DCAF8: variants seen among roughly 807,000 people sequenced by gnomAD.
DCAF8 encodes the protein DDB1- and CUL4-associated factor 8.
A neutral mutation model predicts 68.0 loss-of-function variants in DCAF8; 20 were observed. The ratio of observed to expected loss-of-function variants is 0.29; its 90% CI spans 0.21 to 0.43. The LOEUF is 0.43. Among genes scored for constraint, DCAF8 ranks in the 20% least tolerant of loss-of-function variants. The pLI is 1.00. For missense variants in DCAF8, 460 were observed against 771.0 expected, an observed-to-expected ratio of 0.60 and a Z score of 4.78; for synonymous variants, 230 against 276.9, an observed-to-expected ratio of 0.83 and a Z score of 1.68.
intron 6 of DCAF8, among the ~76,000 whole-genome samples, chr1:160,233,877 A>G (rs1655779609): frequency 6.6e-6 from 1 of 152,220 alleles, no homozygotes; most frequent in South Asian, 2.1e-4. Flanking sequence ...AAAAATGATT[A>G]TCATGGCAAT....
At chr1:160,228,135 C>T (rs1002460491) in intron 7 of DCAF8, among the ~76,000 whole-genome samples, 1 of 151,290 alleles carries the variant, frequency 6.6e-6, no homozygotes, top group Non-Finnish European at 1.5e-5. Flanking sequence ...CTATATTGCC[C>T]AAGTTGGCCT....
At chr1:160,255,914 A>C (rs1258603157) in intron 2 of DCAF8, among the ~76,000 whole-genome samples, 4 of 151,548 alleles carry the variant, frequency 2.6e-5, no homozygotes. Context: ...GCCACCGTGC[A>C]TGGCCTCTGG....
chr1:160,260,037 G>C (rs1184868594), intron 2 of DCAF8, among the ~76,000 whole-genome samples: 3 of 150,616 alleles, frequency 2.0e-5, no homozygotes, highest in Non-Finnish European at 4.4e-5. Flanking sequence ...AAATGTAAAA[G>C]AAGCATAAAT....
In DCAF8 at chr1:160,216,324, G is replaced by C. The variant is rs1410576022; in HGVS notation, c.*1268C>G. ...GTGTGTATGTATGTGTGTGGTGTGT[G>C]TGTACATGTCTTCTGTCACAAAGTA... On this transcript the variant is annotated 3_prime_UTR_variant, in exon 14 of 14. Transcript: ENST00000368074. 1 of 152,172 alleles carries C rather than the reference G, an allele frequency of 6.6e-6. No individual in the cohort carries two copies. The highest frequency in any genetic ancestry group is 1.5e-5 in the Non-Finnish European group (1 of 68,052). 9.4% of individuals were successfully genotyped at this position (152,172 alleles called of 1,614,324 possible).
chr1:160,256,440 G>A (rs1415999046), intron 2 of DCAF8, among the ~76,000 whole-genome samples: 1 of 152,004 alleles, frequency 6.6e-6, no homozygotes, highest in Non-Finnish European at 1.5e-5. Flanking sequence ...GTCTAATGTT[G>A]GATTCTAAGT....
At chr1:160,231,010 TC>T (rs1404175174) in intron 7 of DCAF8, among the ~76,000 whole-genome samples, 1 of 151,884 alleles carries the variant, frequency 6.6e-6, no homozygotes, top group Non-Finnish European at 1.5e-5. Context: ...CCGCCTCACC[TC>T]CCAAAGTGTC....
intron 6 of DCAF8, among the ~76,000 whole-genome samples, chr1:160,235,083 C>A (rs1256779363): frequency 6.6e-6 from 1 of 152,030 alleles, no homozygotes; most frequent in Non-Finnish European, 1.5e-5. Flanking sequence ...CTATGTAAAT[C>A]ATTGCCATCC....
rs758804943 is a variant in DCAF8 at position 160,222,693 on chromosome 1, G to A, written c.1398C>T (p.Ser466=). The A allele has an allele frequency of 2.3e-5, 37 of 1,614,030 alleles. No individual in the cohort carries two copies. Among genetic ancestry groups the A allele is most frequent in the Non-Finnish European group, 3.1e-5 (37 of 1,180,036 alleles). The part of the protein sequence containing the change: ...CGHIFLWEKS[S]CQIIQFMEGD... ...CCTCCATGAACTGAATAATCTGGCA[G>A]GATGATTTCTCCCAGAGGAAGATGT... is the stretch of plus-strand genomic sequence containing the variant. Residue 466 remains serine, a synonymous_variant, in exon 11 of 14, where the codon TCC becomes TCT. Transcript: ENST00000368074.
intron 2 of DCAF8, among the ~76,000 whole-genome samples, chr1:160,254,923 A>C (rs1247717513): frequency 7.2e-5 from 11 of 152,238 alleles, no homozygotes; most frequent in Non-Finnish European, 1.3e-4. Flanking sequence ...TTCTTTTGTA[A>C]AATGGGATAA....
At chr1:160,239,573 A>G in intron 4 of DCAF8, 124 bp downstream of exon 4, 1 of 1,596,476 alleles carries the variant, frequency 6.3e-7, no homozygotes, top group Non-Finnish European at 8.5e-7. Context: ...GAGCCAAAGT[A>G]GGGCCATGTC....
chr1:160,231,544 TTC>T (rs1655686045), intron 6 of DCAF8, 137 bp from the exon 7 acceptor site: 1 of 660,354 alleles, frequency 1.5e-6, no homozygotes, highest in South Asian at 2.0e-5. Context: ...TTGTTGTGTT[TTC>T]TCTGTTTGTT....
chr1:160,238,367 G>A (rs1300098123), intron 5 of DCAF8, among the ~76,000 whole-genome samples: 2 of 152,164 alleles, frequency 1.3e-5, no homozygotes, highest in African/African-American at 4.8e-5. Context: ...AACCAACTAG[G>A]GCTTAGCTTA....
chr1:160,222,894 T>G (rs1655344455), intron 10 of DCAF8, 113 bp from the exon 11 acceptor site: 2 of 1,421,250 alleles, frequency 1.4e-6, no homozygotes, highest in East Asian at 2.3e-5. Context: ...AGATTATGCA[T>G]GTTTAACAGA....
intron 2 of DCAF8, among the ~76,000 whole-genome samples, chr1:160,252,710 G>C (rs1461300848): frequency 6.6e-6 from 1 of 152,068 alleles, no homozygotes; most frequent in Non-Finnish European, 1.5e-5. Flanking sequence ...GGCTGTCTTG[G>C]GTTGATGGCA....
Position 160,217,645 on chromosome 1 carries a change from C to G in DCAF8, c.1741G>C (p.Asp581His). Residue 581 changes from aspartate to histidine, a missense_variant, in exon 14 of 14, where the codon GAC becomes CAC. Around this residue, in one of 8 missense-constraint regions of DCAF8, gnomAD observed 80 missense variants for 115.1 expected, o/e 0.70. Coordinates refer to ENST00000368074, the MANE Select transcript of DCAF8 (RefSeq NM_015726.4). ...ADSDESPSSSDTSDEEEGPDR... is the reference protein window; with the variant it reads ...ADSDESPSSSHTSDEEEGPDR... Reference sequence around the variant, plus strand: ...GGGCCCTCCTCCTCGTCCGATGTGTCTGAGGAGCTGGGAGACTCATCAGAG... The same window carrying G: ...GGGCCCTCCTCCTCGTCCGATGTGTGTGAGGAGCTGGGAGACTCATCAGAG... The G allele has an allele frequency of 6.2e-7, 1 of 1,614,174 alleles. No homozygotes were observed. The highest frequency in any genetic ancestry group is 8.5e-7 in the Non-Finnish European group (1 of 1,180,034).
intron 6 of DCAF8, among the ~76,000 whole-genome samples, chr1:160,232,423 A>AT (rs1434609758): frequency 1.3e-5 from 2 of 152,046 alleles, no homozygotes; most frequent in Non-Finnish European, 2.9e-5. Context: ...TGGGTGGATC[A>AT]TGAGGTCAGG....
intron 2 of DCAF8, among the ~76,000 whole-genome samples, chr1:160,245,957 G>A (rs967010526): frequency 2.5e-4 from 38 of 152,218 alleles, no homozygotes; most frequent in African/African-American, 9.2e-4. Context: ...TGAGCAACAT[G>A]GAGAAACCCT....
At chr1:160,218,823 A>G (rs1381605096) in intron 12 of DCAF8, 26 bp downstream of exon 12, 1 of 1,613,460 alleles carries the variant, frequency 6.2e-7, no homozygotes, top group African/African-American at 1.3e-5. Flanking sequence ...GCAGAAAGAA[A>G]ATAACTTCTG....
chr1:160,229,948 G>A (rs1187526228), intron 7 of DCAF8, among the ~76,000 whole-genome samples: 6 of 152,014 alleles, frequency 3.9e-5, no homozygotes, highest in Non-Finnish European at 2.9e-5. Flanking sequence ...GCTTGAACCC[G>A]GGAAGCGGAG....
Sources: allele counts gnomAD v4.1 joint callset (sites outside exome capture counted in the v4.1 genomes callset), GRCh38; gene constraint gnomAD v4.1.1; regional missense constraint gnomAD v4.1.1; transcripts MANE v1.5; gene names NCBI Gene and HGNC (gene_info 2026-07-23, HGNC 2026-07-21).